CRPPA: variants seen among roughly 807,000 people sequenced by gnomAD.
CRPPA encodes the protein CDP-L-ribitol pyrophosphorylase A, also known as D-ribitol-5-phosphate cytidylyltransferase.
Under a neutral mutation model 52.0 loss-of-function variants are expected in CRPPA, and 43 were observed. That is an observed-to-expected ratio of 0.83 (90% CI 0.65 to 1.07). CRPPA has a LOEUF of 1.07. Ranked by LOEUF, CRPPA falls within the 50% of genes least tolerant of loss-of-function variation. The pLI is 0.00. For missense variants in CRPPA, 629 were observed against 551.7 expected (o/e 1.14, Z -1.40); for synonymous variants, 250 against 203.5 (o/e 1.23, Z -1.94).
intron 4 of CRPPA, among the ~76,000 whole-genome samples, chr7:16,303,491 A>AAAAC (rs1554317854): frequency 8.0e-6 from 1 of 124,936 alleles, no homozygotes. Context: ...AAAAAAAAAA[A>AAAAC]AAAAAAAAAA....
At chr7:16,352,262 T>C (rs6956331) in intron 3 of CRPPA, among the ~76,000 whole-genome samples, 139,435 of 151,298 alleles carry the variant, frequency 0.92, 64,552 homozygotes, top group East Asian at 0.98. Flanking sequence ...CATGGCCTGT[T>C]GGAGGGGTGG....
chr7:16,376,312 T>G, intron 2 of CRPPA, 71 bp from the exon 3 acceptor site: 1 of 1,468,164 alleles, frequency 6.8e-7, no homozygotes, highest in South Asian at 1.4e-5. Context: ...GAATTCAGTA[T>G]CTCACTTTTG....
chr7:16,244,103 A>C (rs1783200732), intron 8 of CRPPA, among the ~76,000 whole-genome samples: 1 of 152,250 alleles, frequency 6.6e-6, no homozygotes, highest in South Asian at 2.1e-4. Context: ...TATTTTAATA[A>C]GTATCTTAGT....
chr7:16,353,427 GA>G (rs1786211021), intron 3 of CRPPA, among the ~76,000 whole-genome samples: 1 of 152,158 alleles, frequency 6.6e-6, no homozygotes, highest in Non-Finnish European at 1.5e-5. Context: ...CCAGAGGCTG[GA>G]AGGGTGAGAT....
chr7:16,357,445 G>A (rs1786330116), intron 3 of CRPPA, among the ~76,000 whole-genome samples: 1 of 152,094 alleles, frequency 6.6e-6, no homozygotes, highest in Non-Finnish European at 1.5e-5. Context: ...CTCCCAAAGT[G>A]CTGGTATTAC....
At chr7:16,137,218 C>A (rs1398179350) in intron 9 of CRPPA, among the ~76,000 whole-genome samples, 1 of 152,226 alleles carries the variant, frequency 6.6e-6, no homozygotes, top group Non-Finnish European at 1.5e-5. Flanking sequence ...CCTCGCTTAT[C>A]TTCCATGTGA....
chr7:16,302,482 T>G (rs1181344171), intron 4 of CRPPA, among the ~76,000 whole-genome samples: 3 of 152,040 alleles, frequency 2.0e-5, no homozygotes, highest in Admixed American at 6.6e-5. Flanking sequence ...ATCACAGAGC[T>G]GAAATACATA....
At chr7:16,229,417 T>G (rs1391500545) in intron 8 of CRPPA, among the ~76,000 whole-genome samples, 3 of 152,050 alleles carry the variant, frequency 2.0e-5, no homozygotes, top group Non-Finnish European at 4.4e-5. Context: ...TTTAATTTCT[T>G]GCTTTTTATT....
rs182482513 is a variant in CRPPA at position 16,232,252 on chromosome 7, C to G, written c.1120-16055G>C. ...TATGGTTTAAATTTCCCTACCAAAACTCACATTAAAACCTAATTGCCACTG... is the reference window on the plus strand; with the variant it reads ...TATGGTTTAAATTTCCCTACCAAAAGTCACATTAAAACCTAATTGCCACTG... On this transcript the variant is annotated intron_variant, in intron 8 of 9. Coordinates refer to ENST00000407010, the MANE Select transcript of CRPPA (RefSeq NM_001101426.4). Among the ~76,000 whole-genome samples the G allele has an allele frequency of 1.4e-3, 216 of 152,302 alleles. 1 individual carries two copies. Among genetic ancestry groups the G allele is most frequent in the Non-Finnish European group, 2.5e-3 (172 of 68,026 alleles).
At chr7:16,165,249 A>G (rs1465885357) in intron 9 of CRPPA, among the ~76,000 whole-genome samples, 1 of 151,934 alleles carries the variant, frequency 6.6e-6, no homozygotes, top group Non-Finnish European at 1.5e-5. Flanking sequence ...CATTTTGGAC[A>G]TTTTAAATTA....
At chr7:16,151,265 A>T (rs962009153) in intron 9 of CRPPA, among the ~76,000 whole-genome samples, 1 of 152,182 alleles carries the variant, frequency 6.6e-6, no homozygotes, top group African/African-American at 2.4e-5. Flanking sequence ...TTAATGACAA[A>T]CATAAGACAA....
At chr7:16,399,251 A>G (rs918645550) in intron 2 of CRPPA, among the ~76,000 whole-genome samples, 2 of 152,246 alleles carry the variant, frequency 1.3e-5, no homozygotes, top group Admixed American at 6.5e-5. Context: ...TGAATCGCAC[A>G]GGTCCAACAT....
chr7:16,201,988 T>G (rs1251506752), intron 9 of CRPPA, among the ~76,000 whole-genome samples: 1 of 152,188 alleles, frequency 6.6e-6, no homozygotes, highest in East Asian at 1.9e-4. Context: ...ACATTAAGTT[T>G]GATGTTAGAT....
chr7:16,113,324 A>G (rs1029441748), intron 9 of CRPPA, among the ~76,000 whole-genome samples: 5 of 152,106 alleles, frequency 3.3e-5, no homozygotes, highest in African/African-American at 1.2e-4. Flanking sequence ...AAGTTAAAAG[A>G]TTTGGTAGAT....
At chr7:16,122,864 T>C (rs986347802) in intron 9 of CRPPA, among the ~76,000 whole-genome samples, 1 of 152,042 alleles carries the variant, frequency 6.6e-6, no homozygotes. Context: ...ATATACTAAT[T>C]TACAATAATT....
chr7:16,244,203 T>G (rs1562581176), intron 8 of CRPPA, among the ~76,000 whole-genome samples: 1 of 152,178 alleles, frequency 6.6e-6, no homozygotes, highest in Non-Finnish European at 1.5e-5. Flanking sequence ...AATAGTAGCC[T>G]CTTACTAGTG....
At chr7:16,170,375 A>G (rs2128385026) in intron 9 of CRPPA, among the ~76,000 whole-genome samples, 1 of 152,300 alleles carries the variant, frequency 6.6e-6, no homozygotes, top group African/African-American at 2.4e-5. Flanking sequence ...GGTGAGTGTT[A>G]CAGTTCTTAA....
chr7:16,089,031 A>T lies in CRPPA; in HGVS notation c.*2664T>A, dbSNP rs920938809. On this transcript the variant is annotated 3_prime_UTR_variant, in exon 10 of 10. Coordinates refer to ENST00000407010, the MANE Select transcript of CRPPA (RefSeq NM_001101426.4). ...TCAGTCTTCCTTATTTTAAGCCCAA[A>T]CTTTTGTTACTATTCAGTCACATGA... 1 of 224,168 alleles carries T rather than the reference A, an allele frequency of 4.5e-6. No homozygotes were observed. Among genetic ancestry groups the T allele is most frequent in the Admixed American group, 4.4e-5 (1 of 22,826 alleles). The allele number at this position is 224,168 out of a possible 1,614,324, so 13.9% of individuals were successfully genotyped here.
chr7:16,323,951 C>T (rs753000192), intron 3 of CRPPA, among the ~76,000 whole-genome samples: 1 of 152,098 alleles, frequency 6.6e-6, no homozygotes, highest in African/African-American at 2.4e-5. Context: ...AAGAAATTAA[C>T]AGAAAATTAA....
Sources: allele counts gnomAD v4.1 joint callset (sites outside exome capture counted in the v4.1 genomes callset), GRCh38; gene constraint gnomAD v4.1.1; transcripts MANE v1.5; gene names NCBI Gene and HGNC (gene_info 2026-07-23, HGNC 2026-07-21).